The following NAV2 variants were observed in gnomAD, a reference collection of about 807,000 sequenced individuals.
NAV2 encodes helicase, APC down-regulated 1.
Under a neutral mutation model 223.2 loss-of-function variants are expected in NAV2, and 54 were observed. That is an observed-to-expected ratio of 0.24 (90% confidence interval 0.19 to 0.30). NAV2 has a LOEUF of 0.30. Among genes scored for constraint, NAV2 ranks in the 10% least tolerant of loss-of-function variants. The probability of loss-of-function intolerance (pLI) is 1.00; values close to 1 mark genes in which losing one functional copy is unlikely to be tolerated. For synonymous variants in NAV2, 1,279 were observed against 1,239.3 expected (o/e 1.03, Z -0.67); for missense variants, 2,806 against 3,147.5 (o/e 0.89, Z 2.60).
At chr11:19,621,403 C>T (rs1412906341) in intron 1 of NAV2, among the ~76,000 whole-genome samples, 3 of 152,062 alleles carry the variant, frequency 2.0e-5, no homozygotes, top group Non-Finnish European at 4.4e-5. Flanking sequence ...TTTTGGTTGG[C>T]AAGCTAGTAA....
At chr11:19,995,962 A>C (rs1456220781) in intron 11 of NAV2, among the ~76,000 whole-genome samples, 1 of 152,170 alleles carries the variant, frequency 6.6e-6, no homozygotes, top group Non-Finnish European at 1.5e-5. Flanking sequence ...ATGTCAGGTC[A>C]TTTGGAGGGA....
chr11:19,793,598 G>C (rs972533919), intron 1 of NAV2, among the ~76,000 whole-genome samples: 13 of 152,204 alleles, frequency 8.5e-5, no homozygotes, highest in African/African-American at 3.1e-4. Context: ...TGGGCTTCCT[G>C]CTTCTGCTCC....
At chr11:19,534,984 T>A (rs1656110933) in intron 1 of NAV2, among the ~76,000 whole-genome samples, 1 of 152,202 alleles carries the variant, frequency 6.6e-6, no homozygotes, top group African/African-American at 2.4e-5. Context: ...CTGTTTTGAG[T>A]GCAAAATAAG....
chr11:19,713,608 G>A lies in NAV2; in HGVS notation c.-88G>A. 1.4e-6 allele frequency: 2 copies of A among 1,451,402 alleles called. No homozygotes were observed. The highest frequency in any genetic ancestry group is 9.1e-7 in the Non-Finnish European group (1 of 1,101,440). 89.9% of individuals were successfully genotyped at this position (1,451,402 alleles called of 1,614,324 possible). ...GGCGCCTCGTGGGCTAAGGCCCGGC[G>A]CCTGCTCTGCTACCCGCGCTGCCTT... On this transcript the variant is annotated 5_prime_UTR_variant, in exon 1 of 38. Coordinates refer to ENST00000349880, the MANE Select transcript of NAV2 (RefSeq NM_145117.5). The surrounding 1 kb of genome is among the most constrained non-coding windows in gnomAD (Gnocchi z 7.2).
At chr11:20,005,390 C>T (rs1213902829) in intron 11 of NAV2, among the ~76,000 whole-genome samples, 1 of 151,554 alleles carries the variant, frequency 6.6e-6, no homozygotes, top group South Asian at 2.1e-4. Context: ...GGACTACAGG[C>T]GTCTGCCACC....
intron 1 of NAV2, among the ~76,000 whole-genome samples, chr11:19,705,067 TTAAC>T (rs1220422897): frequency 7.1e-6 from 1 of 139,948 alleles, no homozygotes; most frequent in Non-Finnish European, 1.5e-5. Context: ...TGAAACTGAA[TTAAC>T]TAGACCTCAA....
rs1353494932 is a variant in NAV2, at chr11:19,758,721, G to T, written c.267+44759G>T. Among the ~76,000 whole-genome samples, 3 of 152,292 alleles carry T rather than the reference G, an allele frequency of 2.0e-5. No homozygotes were observed. The South Asian group carries it at 6.2e-4, about 32-fold the overall frequency. On this transcript the variant is annotated intron_variant, in intron 1 of 37. Transcript: ENST00000349880. Reference sequence around the variant, plus strand: ...CTATTTTGCTGCAGTGCAGTCAACTGACCTGGGGGATTGTGGGTTCCCTCC... The same window carrying T: ...CTATTTTGCTGCAGTGCAGTCAACTTACCTGGGGGATTGTGGGTTCCCTCC...
intron 1 of NAV2, among the ~76,000 whole-genome samples, chr11:19,423,976 G>A (rs1463392792): frequency 6.6e-6 from 1 of 152,198 alleles, no homozygotes; most frequent in Non-Finnish European, 1.5e-5. Context: ...AAGATGACAT[G>A]TTAATGAAGG....
chr11:20,115,428 C>T (rs927152301), intron 37 of NAV2, among the ~76,000 whole-genome samples: 3 of 151,960 alleles, frequency 2.0e-5, no homozygotes, highest in Admixed American at 6.6e-5. Context: ...GTCAGGAGAT[C>T]GAGACCATCC....
intron 35 of NAV2, 23 bp downstream of exon 35, chr11:20,105,750 G>T (rs1397551240): frequency 9.4e-6 from 15 of 1,599,590 alleles, no homozygotes; most frequent in African/African-American, 1.3e-5. Context: ...CTGGGGTCAG[G>T]GGGGCGGGCT....
chr11:19,636,113 A>G (rs1360108745), intron 1 of NAV2, among the ~76,000 whole-genome samples: 1 of 152,182 alleles, frequency 6.6e-6, no homozygotes, highest in Non-Finnish European at 1.5e-5. Flanking sequence ...TGGTCAATAG[A>G]TTTGGTCAGT....
At chr11:19,798,948 C>G (rs1385383782) in intron 1 of NAV2, among the ~76,000 whole-genome samples, 1 of 152,026 alleles carries the variant, frequency 6.6e-6, no homozygotes, top group African/African-American at 2.4e-5. Flanking sequence ...TTCTTGTAAC[C>G]CCTTTAGCAC....
At chr11:19,471,925 T>C (rs2041978307) in intron 1 of NAV2, among the ~76,000 whole-genome samples, 1 of 152,176 alleles carries the variant, frequency 6.6e-6, no homozygotes, top group Non-Finnish European at 1.5e-5. Context: ...ATATCACAGT[T>C]AGGCCTGCCA....
At chr11:19,675,934 T>A (rs1037238989) in intron 1 of NAV2, among the ~76,000 whole-genome samples, 2 of 152,232 alleles carry the variant, frequency 1.3e-5, no homozygotes, top group Non-Finnish European at 2.9e-5. Context: ...TTTCAATTAA[T>A]CCTTACAACA....
chr11:19,841,612 A>G (rs1221102593), intron 2 of NAV2, among the ~76,000 whole-genome samples: 2 of 152,214 alleles, frequency 1.3e-5, no homozygotes, highest in African/African-American at 4.8e-5. Flanking sequence ...TGGATGATTA[A>G]GAACAAAACA....
intron 11 of NAV2, among the ~76,000 whole-genome samples, chr11:20,004,997 T>C (rs1048565010): frequency 1.3e-5 from 2 of 151,962 alleles, no homozygotes; most frequent in African/African-American, 4.8e-5. Flanking sequence ...GAGGCTTACT[T>C]GCGATAATCC....
At chr11:19,597,822 T>C (rs924171860) in intron 1 of NAV2, among the ~76,000 whole-genome samples, 1 of 152,102 alleles carries the variant, frequency 6.6e-6, no homozygotes, top group African/African-American at 2.4e-5. Flanking sequence ...GAACTGCGAG[T>C]TTCACTGGGG....
chr11:19,802,211 A>G (rs1241276248), intron 1 of NAV2, among the ~76,000 whole-genome samples: 1 of 152,100 alleles, frequency 6.6e-6, no homozygotes. Flanking sequence ...AATGGCTCTT[A>G]TAGGAGGTCA....
Position 20,119,049 on chromosome 11 carries a change from A to C in NAV2, c.*791A>C, listed in dbSNP as rs1175404784. The C allele has an allele frequency of 1.4e-5, 2 of 143,546 alleles. No individual in the cohort carries two copies. Among genetic ancestry groups the C allele is most frequent in the Admixed American group, 7.5e-5 (1 of 13,316 alleles). 8.9% of individuals were successfully genotyped at this position (143,546 alleles called of 1,614,324 possible). On this transcript the variant is annotated 3_prime_UTR_variant, in exon 38 of 38. Transcript: ENST00000349880. ...CAGCATGTGTCTCTTTCCTTCTGAT[A>C]TATGAATGAATCAGGTTTTTTTTTT...
Sources: gnomAD v4.1 joint callset for allele counts (sites outside exome capture counted in the v4.1 genomes callset) on GRCh38, gnomAD v4.1.1 for gene constraint, Gnocchi (gnomAD v3.1) non-coding constraint, MANE v1.5 for transcripts, NCBI Gene and HGNC (gene_info 2026-07-23, HGNC 2026-07-21) for gene names.